The following PGCKA1 variants were observed in gnomAD, a reference collection of about 807,000 sequenced individuals.
PGCKA1 encodes PDCD10 and GCKIII kinases-associated protein 1.
chr4:37,485,288 G>A, the PGCKA1 span, among the ~76,000 whole-genome samples: 1 of 152,168 alleles, frequency 6.6e-6, no homozygotes, highest in Non-Finnish European at 1.5e-5. Flanking sequence ...AATCCCCAGA[G>A]CCACAGTGTT....
At chr4:37,489,293 A>G in the PGCKA1 span, among the ~76,000 whole-genome samples, 2 of 152,288 alleles carry the variant, frequency 1.3e-5, no homozygotes, top group South Asian at 2.1e-4. Context: ...AAGAAATTCT[A>G]TAATTTTTCA....
chr4:37,512,293 C>T, the PGCKA1 span, among the ~76,000 whole-genome samples: 2 of 152,040 alleles, frequency 1.3e-5, no homozygotes, highest in African/African-American at 4.8e-5. Flanking sequence ...ACCCTCTGTT[C>T]ATCCATCTTG....
the PGCKA1 span, among the ~76,000 whole-genome samples, chr4:37,491,467 T>G: frequency 6.6e-6 from 1 of 152,240 alleles, no homozygotes; most frequent in Non-Finnish European, 1.5e-5. Context: ...TTTTACTTGT[T>G]TGTATGGTTT....
At chr4:37,553,167 A>G in the PGCKA1 span, among the ~76,000 whole-genome samples, 5 of 150,876 alleles carry the variant, frequency 3.3e-5, no homozygotes, top group Non-Finnish European at 2.9e-5. Context: ...TAGCTTGCCC[A>G]ACAAATGAGT....
the PGCKA1 span, among the ~76,000 whole-genome samples, chr4:37,564,954 G>A: frequency 6.4e-5 from 9 of 139,962 alleles, no homozygotes; most frequent in South Asian, 2.2e-4. Context: ...ATTCCACCCC[G>A]TACACACACA....
At chr4:37,479,449 G>A in the PGCKA1 span, among the ~76,000 whole-genome samples, 1 of 151,976 alleles carries the variant, frequency 6.6e-6, no homozygotes. Context: ...GTATTCCACA[G>A]ACATGGAGTT....
the PGCKA1 span, among the ~76,000 whole-genome samples, chr4:37,512,280 G>T: frequency 1.3e-5 from 2 of 151,982 alleles, no homozygotes; most frequent in African/African-American, 4.8e-5. Flanking sequence ...GATGACCAGG[G>T]GAACCCTCTG....
the PGCKA1 span, among the ~76,000 whole-genome samples, chr4:37,532,798 C>T: frequency 3.5e-5 from 5 of 143,360 alleles, no homozygotes; most frequent in African/African-American, 1.3e-4. Context: ...TTTTCCCATT[C>T]GTCCACTAGC....
the PGCKA1 span, among the ~76,000 whole-genome samples, chr4:37,559,802 G>A: frequency 1.3e-5 from 2 of 151,840 alleles, no homozygotes; most frequent in African/African-American, 4.8e-5. Context: ...ATCTTTGTCC[G>A]AACTTGCATT....
chr4:37,541,878 T>A, the PGCKA1 span, among the ~76,000 whole-genome samples: 1 of 152,120 alleles, frequency 6.6e-6, no homozygotes, highest in Non-Finnish European at 1.5e-5. Flanking sequence ...GGGGCCTACA[T>A]ACAGAGGAGA....
At chr4:37,500,090 T>C in the PGCKA1 span, among the ~76,000 whole-genome samples, 14 of 151,564 alleles carry the variant, frequency 9.2e-5, no homozygotes, top group African/African-American at 3.4e-4. Flanking sequence ...GCCCGGCTAA[T>C]TTTTTTTGCA....
the PGCKA1 span, among the ~76,000 whole-genome samples, chr4:37,478,154 C>A: frequency 2.8e-5 from 4 of 144,856 alleles, no homozygotes; most frequent in South Asian, 7.4e-4. Flanking sequence ...CCCCCCCCAC[C>A]GCCACTTACT....
At chr4:37,455,262 A>G in the PGCKA1 span, among the ~76,000 whole-genome samples, 2 of 152,238 alleles carry the variant, frequency 1.3e-5, no homozygotes, top group East Asian at 3.8e-4. Context: ...GTTAAAGATC[A>G]TAGACCACCT....
chr4:37,572,457 C>T, the PGCKA1 span, among the ~76,000 whole-genome samples: 1 of 152,182 alleles, frequency 6.6e-6, no homozygotes, highest in Admixed American at 6.5e-5. Flanking sequence ...ATCCTCTACC[C>T]AGAGTCCCTA....
chr4:37,474,466 C>G, the PGCKA1 span, among the ~76,000 whole-genome samples: 1 of 152,122 alleles, frequency 6.6e-6, no homozygotes, highest in African/African-American at 2.4e-5. Context: ...CCCTCAGTGC[C>G]TACTACCTGG....
the PGCKA1 span, among the ~76,000 whole-genome samples, chr4:37,585,894 G>T: frequency 6.6e-6 from 1 of 151,678 alleles, no homozygotes; most frequent in Non-Finnish European, 1.5e-5. Flanking sequence ...CTTTCAATTG[G>T]TGTCACAGTT....
the PGCKA1 span, among the ~76,000 whole-genome samples, chr4:37,574,939 G>A: frequency 3.3e-5 from 5 of 152,136 alleles, no homozygotes; most frequent in Admixed American, 3.3e-4. Context: ...CAAAGTAAAG[G>A]AGCTCATTCT....
At chr4:37,541,463 G>A in the PGCKA1 span, among the ~76,000 whole-genome samples, 944 of 152,334 alleles carry the variant, frequency 6.2e-3, 12 homozygotes, top group African/African-American at 0.022. Context: ...ACAGGGTGGT[G>A]ATGAGCAGAA....
chr4:37,523,519 G>A, the PGCKA1 span, among the ~76,000 whole-genome samples: 1 of 152,114 alleles, frequency 6.6e-6, no homozygotes, highest in Non-Finnish European at 1.5e-5. Flanking sequence ...TGGTGTCCCT[G>A]TAGGGAGGGA....
Sources: gnomAD v4.1 joint callset for allele counts (sites outside exome capture counted in the v4.1 genomes callset) on GRCh38, gnomAD v4.1.1 for gene constraint, MANE v1.5 for transcripts, NCBI Gene and HGNC (gene_info 2026-07-23, HGNC 2026-07-21) for gene names.